The following GIGYF2 variants were observed in gnomAD, a reference collection of about 807,000 sequenced individuals.
GIGYF2 encodes the protein GRB10-interacting GYF protein 2.
A neutral mutation model predicts 208.1 loss-of-function variants in GIGYF2; 25 were observed. That is an observed-to-expected ratio of 0.12 (90% CI 0.09 to 0.17). GIGYF2 has a LOEUF of 0.17. Among genes scored for constraint, GIGYF2 ranks in the 10% least tolerant of loss-of-function variants. GIGYF2 has a pLI of 1.00. For missense variants in GIGYF2, 1,302 were observed against 1,579.4 expected (o/e 0.82, Z 2.98); for synonymous variants, 534 against 543.8 (o/e 0.98, Z 0.25).
chr2:232,752,528 A>G (rs182870178), intron 5 of GIGYF2, among the ~76,000 whole-genome samples: 3 of 152,300 alleles, frequency 2.0e-5, no homozygotes, highest in African/African-American at 7.2e-5. Flanking sequence ...ATTTGACATC[A>G]AAGAAGTTAC....
At chr2:232,847,594 C>A in intron 27 of GIGYF2, 23 bp downstream of exon 27, 1 of 1,611,212 alleles carries the variant, frequency 6.2e-7, no homozygotes, top group South Asian at 1.1e-5. Context: ...GTGGTGTATG[C>A]GGTACCTCTG....
At chr2:232,847,113 C>G (rs555864154) in intron 26 of GIGYF2, among the ~76,000 whole-genome samples, 1 of 152,206 alleles carries the variant, frequency 6.6e-6, no homozygotes, top group Non-Finnish European at 1.5e-5. Context: ...CTGTTTCAGT[C>G]AGTATAACAT....
At position 232,832,922 on chromosome 2, in the gene GIGYF2, G is replaced by T; in HGVS notation, c.2595G>T (p.Arg865=). The change falls in exon 22 of 29, where the codon CGG becomes CGT. Residue 865 remains arginine, a synonymous_variant. Transcript: ENST00000373563. ...CCCAGCGTCGATTAGAGGAGAACCGGCTGCGGATGGAAGAGGAGGCAGCCA... is the reference window on the plus strand; with the variant it reads ...CCCAGCGTCGATTAGAGGAGAACCGTCTGCGGATGGAAGAGGAGGCAGCCA... ...EEAQRRLEEN[R]LRMEEEAARL... 6.4e-7 allele frequency: 1 copy of T among 1,564,868 alleles called. No individual in the cohort carries two copies. Among genetic ancestry groups the T allele is most frequent in the Non-Finnish European group, 8.7e-7 (1 of 1,154,568 alleles).
Position 232,812,470 on chromosome 2 carries a change from C to A in GIGYF2, c.2086C>A (p.Pro696Thr). 1.4e-6 allele frequency: 2 copies of A among 1,467,026 alleles called. No homozygotes were observed. The highest frequency in any genetic ancestry group is 1.9e-6 in the Non-Finnish European group (2 of 1,046,168). The allele number at this position is 1,467,026 out of a possible 1,614,324, so 90.9% of individuals were successfully genotyped here. The change falls in exon 18 of 29, where the codon CCA becomes ACA. Residue 696 changes from proline to threonine, a missense_variant. Pro to Thr is a conservative substitution (Grantham distance 38). Transcript: ENST00000373563. ...PDTGSIWELQ[P>T]TASQPTVWEG... ...TACTGGCTCTATCTGGGAGCTTCAG[C>A]CAACAGCTTCACAGCCTACAGGTAA...
chr2:232,726,354 GCAAGGCTCTGTCTCAAA>G (rs1326990032), intron 2 of GIGYF2, among the ~76,000 whole-genome samples: 2 of 135,950 alleles, frequency 1.5e-5, no homozygotes, highest in Non-Finnish European at 3.1e-5. Context: ...CAGTGACAGA[GCAAGGCTCTGTCTCAAA>G]AAAAAAAAAA....
chr2:232,723,727 CTTTTTTTTTTT>C (rs142680480), intron 2 of GIGYF2, among the ~76,000 whole-genome samples: 12 of 65,478 alleles, frequency 1.8e-4, no homozygotes, highest in Non-Finnish European at 3.0e-4. Flanking sequence ...TGTGCCCGGC[CTTTTTTTTTTT>C]TTTTTTTTTT....
chr2:232,697,900 C>A (rs1695675171), intron 1 of GIGYF2, among the ~76,000 whole-genome samples: 1 of 152,242 alleles, frequency 6.6e-6, no homozygotes, highest in African/African-American at 2.4e-5. Flanking sequence ...TGCGCTCCTG[C>A]CTTCCCCACA....
intron 3 of GIGYF2, among the ~76,000 whole-genome samples, chr2:232,744,423 A>C (rs1270548091): frequency 6.6e-6 from 1 of 152,178 alleles, no homozygotes; most frequent in Non-Finnish European, 1.5e-5. Flanking sequence ...TTTGGTGTTA[A>C]GGAAGATATT....
intron 3 of GIGYF2, among the ~76,000 whole-genome samples, chr2:232,740,130 G>A (rs1340904138): frequency 6.6e-6 from 1 of 151,786 alleles, no homozygotes; most frequent in Non-Finnish European, 1.5e-5. Context: ...GCAAACGAAC[G>A]AATATTTGGT....
At chr2:232,821,147 C>T (rs1383113093) in intron 21 of GIGYF2, among the ~76,000 whole-genome samples, 3 of 152,016 alleles carry the variant, frequency 2.0e-5, no homozygotes, top group African/African-American at 4.8e-5. Context: ...CTTTGAAACA[C>T]GTAAATTTTT....
chr2:232,773,238 G>C (rs1699345124), intron 8 of GIGYF2, among the ~76,000 whole-genome samples: 1 of 151,962 alleles, frequency 6.6e-6, no homozygotes, highest in Non-Finnish European at 1.5e-5. Flanking sequence ...AATGTTTTAG[G>C]AGACCTGATC....
chr2:232,850,433 T>C (rs942245801), intron 28 of GIGYF2, 24 bp downstream of exon 28: 9 of 1,610,722 alleles, frequency 5.6e-6, no homozygotes, highest in Non-Finnish European at 7.6e-6. Flanking sequence ...TAGTCTCAGC[T>C]GAGTGTTGGA....
chr2:232,741,839 A>G (rs1390510906), intron 3 of GIGYF2, among the ~76,000 whole-genome samples: 5 of 152,112 alleles, frequency 3.3e-5, no homozygotes, highest in South Asian at 2.1e-4. Context: ...AAATCCTTCA[A>G]TATCTCTATG....
At chr2:232,765,916 G>A (rs1361926145) in intron 8 of GIGYF2, 1 of 449,886 alleles carries the variant, frequency 2.2e-6, no homozygotes, top group East Asian at 7.3e-5. Flanking sequence ...TTTAAAGTTA[G>A]TTCCGAAGTA....
rs138982304 is a variant in GIGYF2 at position 232,802,107 on chromosome 2, G to A, written c.1640-4384G>A. 9.7e-3 allele frequency among the ~76,000 whole-genome samples: 1,480 copies of A among 152,120 alleles called. 36 individuals carry two copies. The highest frequency in any genetic ancestry group is 0.055 in the Admixed American group (837 of 15,284). On this transcript the variant is annotated intron_variant, in intron 14 of 28. Coordinates refer to ENST00000373563, the MANE Select transcript of GIGYF2 (RefSeq NM_001103146.3). ...ATAGAAATGCAACTGATTTTTCAGCGTTGACTTTGTGTCCTGCCACTTTGC... is the reference window on the plus strand; with the variant it reads ...ATAGAAATGCAACTGATTTTTCAGCATTGACTTTGTGTCCTGCCACTTTGC...
At chr2:232,775,206 T>C (rs1699459850) in intron 8 of GIGYF2, among the ~76,000 whole-genome samples, 1 of 152,154 alleles carries the variant, frequency 6.6e-6, no homozygotes, top group African/African-American at 2.4e-5. Flanking sequence ...TTATAGTCAG[T>C]GTGGTTTAGT....
At chr2:232,755,773 G>A (rs969797714) in intron 5 of GIGYF2, among the ~76,000 whole-genome samples, 1 of 152,120 alleles carries the variant, frequency 6.6e-6, no homozygotes, top group Non-Finnish European at 1.5e-5. Context: ...ACATTGATGT[G>A]CAGAATGTCC....
chr2:232,827,214 T>TTTTTTTTTTTTTTTTTTTG (rs1466147543), intron 21 of GIGYF2, among the ~76,000 whole-genome samples: 8 of 152,142 alleles, frequency 5.3e-5, no homozygotes, highest in Non-Finnish European at 8.8e-5. Context: ...CATTGTTTTT[T>TTTTTTTTTTTTTTTTTTTG]AAGACATAAT....
intron 2 of GIGYF2, among the ~76,000 whole-genome samples, chr2:232,723,101 G>A (rs1697017460): frequency 6.6e-6 from 1 of 152,098 alleles, no homozygotes; most frequent in African/African-American, 2.4e-5. Context: ...TCCTGGCATG[G>A]ACATTAGCTT....
Sources: gnomAD v4.1 joint callset for allele counts (sites outside exome capture counted in the v4.1 genomes callset) on GRCh38, gnomAD v4.1.1 for gene constraint, MANE v1.5 for transcripts, NCBI Gene and HGNC (gene_info 2026-07-23, HGNC 2026-07-21) for gene names.